The following PCDHAC2 variants were observed in gnomAD, a reference collection of about 807,000 sequenced individuals.
The protein encoded by PCDHAC2 is protocadherin alpha-C2.
A neutral mutation model predicts 63.3 loss-of-function variants in PCDHAC2; 24 were observed. That is an observed-to-expected ratio of 0.38 (90% CI 0.27 to 0.53). The LOEUF is 0.53. PCDHAC2 is among the 20% of genes least tolerant of loss of function. The probability of loss-of-function intolerance (pLI) is 0.81; values close to 1 mark genes in which losing one functional copy is unlikely to be tolerated. For missense variants in PCDHAC2, 1,181 were observed against 1,275.2 expected (o/e 0.93, Z 1.12); for synonymous variants, 569 against 529.4 (o/e 1.07, Z -1.03).
In PCDHAC2 at chr5:140,997,052, G is replaced by A. The variant is rs1410360967; in HGVS notation, c.2714-12575G>A. On this transcript the variant is annotated intron_variant, in intron 3 of 3. Transcript: ENST00000289269. ...AAATTAATGAACTTTACTTTTTAGAGCAGTTTTAGGTTCACAGGAAAGTTG... is the reference window on the plus strand; with the variant it reads ...AAATTAATGAACTTTACTTTTTAGAACAGTTTTAGGTTCACAGGAAAGTTG... Among the ~76,000 whole-genome samples, 5 of 152,148 alleles carry A rather than the reference G, an allele frequency of 3.3e-5. No homozygotes were observed. The East Asian group carries it at 9.6e-4, about 29-fold the overall frequency.
chr5:141,006,726 A>G (rs2098284944), intron 3 of PCDHAC2, among the ~76,000 whole-genome samples: 1 of 152,172 alleles, frequency 6.6e-6, no homozygotes, highest in African/African-American at 2.4e-5. Flanking sequence ...CAGAAATGAC[A>G]GGTCTTGATG....
intron 3 of PCDHAC2, among the ~76,000 whole-genome samples, chr5:141,008,972 C>T (rs1554261973): frequency 6.6e-6 from 1 of 152,148 alleles, no homozygotes; most frequent in African/African-American, 2.4e-5. Context: ...CATTTATAGC[C>T]AAAGTTTAAT....
rs1554231675 is a variant in PCDHAC2 at position 140,969,317 on chromosome 5, G to A, written c.2551G>A (p.Val851Ile). ...GNLIILKNEA[V>I]SQNEPRQPNP... ...CCTGATTATTCTCAAAAATGAGGCT[G>A]TTTCTCAAAATGAGGTGAGACAGTG... Residue 851 changes from valine to isoleucine, a missense_variant, in exon 1 of 4, where the codon GTT becomes ATT. Around this residue, in one of 3 missense-constraint regions of PCDHAC2, gnomAD observed 968 missense variants for 1,073.5 expected, o/e 0.90. Transcript: ENST00000289269. 1 of 1,614,156 alleles carries A rather than the reference G, an allele frequency of 6.2e-7. No individual in the cohort carries two copies. The highest frequency in any genetic ancestry group is 2.2e-5 in the East Asian group (1 of 44,878).
Position 140,978,781 on chromosome 5 carries a change from A to C in PCDHAC2, c.2566-168A>C, listed in dbSNP as rs4461687. ...GACCCTGATGAACTAATTTTCTTCT[A>C]AAGTGCTATATATGTAGATATCATC... On this transcript the variant is annotated intron_variant, in intron 1 of 3. Coordinates refer to ENST00000289269, the MANE Select transcript of PCDHAC2 (RefSeq NM_018899.6). 2,731 of 969,880 alleles carry C rather than the reference A, an allele frequency of 2.8e-3. 24 individuals carry two copies. The East Asian group carries it at 0.042, about 15-fold the overall frequency. The allele number at this position is 969,880 out of a possible 1,614,324, so 60.1% of individuals were successfully genotyped here.
In PCDHAC2 at chr5:141,000,418, TATA is replaced by T. The variant is rs1442097844; in HGVS notation, c.2714-9208_2714-9206del. 6.0e-3 allele frequency among the ~76,000 whole-genome samples: 500 copies of T among 83,616 alleles called. 3 individuals are homozygous for T. The highest frequency in any genetic ancestry group is 7.2e-3 in the African/African-American group (142 of 19,618). 54.9% of individuals were successfully genotyped at this position (83,616 alleles called of 152,430 possible). A position where few individuals can be genotyped will look rare whatever the true frequency, so the allele number is the denominator to read the frequency against. ...CTCTATATATATATATATATATATA[TATA>T]TTTTTTTTTTTTTTTTTTTTTTTGA... On this transcript the variant is annotated intron_variant, in intron 3 of 3. Coordinates refer to ENST00000289269, the MANE Select transcript of PCDHAC2 (RefSeq NM_018899.6).
At chr5:140,982,845 C>A (rs1436674965) in intron 3 of PCDHAC2, among the ~76,000 whole-genome samples, 1 of 151,978 alleles carries the variant, frequency 6.6e-6, no homozygotes, top group Non-Finnish European at 1.5e-5. Flanking sequence ...TTGTTTAAAT[C>A]AGGTACCTTT....
chr5:140,986,074 T>C (rs1342378005), intron 3 of PCDHAC2, among the ~76,000 whole-genome samples: 1 of 152,124 alleles, frequency 6.6e-6, no homozygotes, highest in African/African-American at 2.4e-5. Context: ...AAAGAAACTG[T>C]TCATTTATTT....
chr5:140,969,549 C>G (rs1213967618), intron 1 of PCDHAC2: 33 of 1,238,058 alleles, frequency 2.7e-5, no homozygotes, highest in Non-Finnish European at 3.4e-5. Flanking sequence ...AGGCATGAAG[C>G]CTTGTCCATA....
At chr5:140,975,130 G>C (rs1445050521) in intron 1 of PCDHAC2, among the ~76,000 whole-genome samples, 1 of 152,082 alleles carries the variant, frequency 6.6e-6, no homozygotes, top group Non-Finnish European at 1.5e-5. Flanking sequence ...CTTACTATTG[G>C]CCTGGGGTCA....
At chr5:140,986,938 G>A (rs1025641797) in intron 3 of PCDHAC2, among the ~76,000 whole-genome samples, 1 of 152,158 alleles carries the variant, frequency 6.6e-6, no homozygotes, top group African/African-American at 2.4e-5. Flanking sequence ...TGGAGGCTGG[G>A]TGTGGTCGCT....
At chr5:140,996,094 T>C (rs1428375932) in intron 3 of PCDHAC2, among the ~76,000 whole-genome samples, 1 of 152,192 alleles carries the variant, frequency 6.6e-6, no homozygotes, top group Non-Finnish European at 1.5e-5. Flanking sequence ...CTAGATTACA[T>C]GGAATGGTAT....
intron 2 of PCDHAC2, among the ~76,000 whole-genome samples, chr5:140,979,595 A>G (rs1261298748): frequency 1.3e-5 from 2 of 152,212 alleles, no homozygotes; most frequent in African/African-American, 4.8e-5. Context: ...GCTTACTTTA[A>G]ATTAACCTAG....
chr5:140,982,633 A>G (rs2096992474), intron 3 of PCDHAC2, 70 bp downstream of exon 3: 1 of 1,557,590 alleles, frequency 6.4e-7, no homozygotes, highest in Non-Finnish European at 8.7e-7. Flanking sequence ...CTTTTGTAAG[A>G]TCAGGAATGT....
In PCDHAC2 at chr5:141,009,754, C is replaced by A. The variant is rs200585286; in HGVS notation, c.2841C>A (p.Ile947=). 18 of 1,614,022 alleles carry A rather than the reference C, an allele frequency of 1.1e-5. No individual in the cohort carries two copies. Among genetic ancestry groups the A allele is most frequent in the Non-Finnish European group, 1.5e-5 (18 of 1,180,034 alleles). ...GTGAGTTGCCCGACAAATTCATTAT[C>A]CCAGGATCTCCTGCAATCATCTCCA... The part of the protein sequence containing the change: ...GPGELPDKFI[I]PGSPAIISIR... The change falls in exon 4 of 4, where the codon ATC becomes ATA. Residue 947 remains isoleucine, a synonymous_variant. Coordinates refer to ENST00000289269, the MANE Select transcript of PCDHAC2 (RefSeq NM_018899.6).
chr5:140,991,149 C>T (rs2097435018), intron 3 of PCDHAC2, among the ~76,000 whole-genome samples: 1 of 152,092 alleles, frequency 6.6e-6, no homozygotes, highest in South Asian at 2.1e-4. Flanking sequence ...GTTTTTTGCT[C>T]ACCATTGTAT....
intron 3 of PCDHAC2, among the ~76,000 whole-genome samples, chr5:140,996,539 A>G (rs1023035245): frequency 2.6e-5 from 4 of 152,170 alleles, no homozygotes; most frequent in South Asian, 4.1e-4. Flanking sequence ...GTGTTTTGAT[A>G]TTATGCTGTC....
In PCDHAC2 at chr5:140,966,850, CCTGCTGCTGTTG is replaced by C. The variant is rs1409933796; in HGVS notation, c.94_105del (p.Leu33_Leu36del). On this transcript the variant is annotated inframe_deletion, in exon 1 of 4. Transcript: ENST00000289269. ...TGCCCTGGCTGCTGCTACTGCCTCT[CCTGCTGCTGTTG>C]CTGCTGCTGCTACCTGGCCCTGCGG... 1 of 1,572,784 alleles carries C rather than the reference CCTGCTGCTGTTG, an allele frequency of 6.4e-7. No individual in the cohort carries two copies. The highest frequency in any genetic ancestry group is 8.6e-7 in the Non-Finnish European group (1 of 1,163,126).
chr5:141,001,058 A>G (rs1554257985), intron 3 of PCDHAC2, among the ~76,000 whole-genome samples: 2 of 152,146 alleles, frequency 1.3e-5, no homozygotes, highest in African/African-American at 4.8e-5. Flanking sequence ...TAAATCATTT[A>G]AAATTAAATA....
At chr5:141,003,761 C>T (rs1371194132) in intron 3 of PCDHAC2, among the ~76,000 whole-genome samples, 3 of 152,160 alleles carry the variant, frequency 2.0e-5, no homozygotes, top group Admixed American at 1.3e-4. Flanking sequence ...TAATTATGGT[C>T]GTATTCTGTT....
Sources: gnomAD v4.1 joint callset for allele counts (sites outside exome capture counted in the v4.1 genomes callset) on GRCh38, gnomAD v4.1.1 for gene constraint, gnomAD v4.1.1 regional missense constraint, MANE v1.5 for transcripts, NCBI Gene and HGNC (gene_info 2026-07-23, HGNC 2026-07-21) for gene names.